The following MAML3 variants were observed in gnomAD, a reference collection of about 807,000 sequenced individuals.
MAML3 encodes mastermind like transcriptional coactivator 3.
MAML3 carries 27 observed loss-of-function variants against 101.9 expected under a neutral mutation model. That is an observed-to-expected ratio of 0.27 (90% confidence interval 0.20 to 0.37). The LOEUF is 0.37. Ranked by LOEUF, MAML3 falls within the 10% of genes least tolerant of loss-of-function variation. MAML3 has a pLI of 1.00. For missense variants in MAML3, 1,316 were observed against 1,444.9 expected, an observed-to-expected ratio of 0.91 and a Z score of 1.45; for synonymous variants, 501 against 555.9, an observed-to-expected ratio of 0.90 and a Z score of 1.39.
intron 2 of MAML3, among the ~76,000 whole-genome samples, chr4:139,746,007 C>T (rs1315845114): frequency 2.0e-5 from 3 of 152,176 alleles, no homozygotes; most frequent in African/African-American, 7.2e-5. Context: ...CAACTTTTTT[C>T]AAGAAGTCCT....
chr4:139,718,220 G>T lies in MAML3; in HGVS notation c.*1103C>A, dbSNP rs905082636. Reference sequence around the variant, plus strand: ...TCCCAAACATCAGAGCAGCCCTCTTGGTTCCAGGCAGATATTCATTCAACG... The same window carrying T: ...TCCCAAACATCAGAGCAGCCCTCTTTGTTCCAGGCAGATATTCATTCAACG... On this transcript the variant is annotated 3_prime_UTR_variant, in exon 5 of 5. Transcript: ENST00000509479. 1.3e-5 allele frequency: 2 copies of T among 152,220 alleles called. No individual in the cohort carries two copies. Among genetic ancestry groups the T allele is most frequent in the Non-Finnish European group, 2.9e-5 (2 of 68,060 alleles). 9.4% of individuals were successfully genotyped at this position (152,220 alleles called of 1,614,324 possible). A position where few individuals can be genotyped will look rare whatever the true frequency, so the allele number is the denominator to read the frequency against.
intron 2 of MAML3, among the ~76,000 whole-genome samples, chr4:139,834,016 T>G (rs535629825): frequency 1.3e-5 from 2 of 152,106 alleles, no homozygotes; most frequent in South Asian, 4.1e-4. Context: ...AGGGGGATGC[T>G]CCCCCTGCTT....
At chr4:139,752,951 A>AT (rs903468737) in intron 2 of MAML3, among the ~76,000 whole-genome samples, 4 of 152,128 alleles carry the variant, frequency 2.6e-5, no homozygotes, top group African/African-American at 7.2e-5. Context: ...GGCTGGGGTG[A>AT]TTTTTTTGAA....
At chr4:139,730,911 G>A in intron 2 of MAML3, 1 of 565,516 alleles carries the variant, frequency 1.8e-6, no homozygotes, top group Admixed American at 3.0e-5. Context: ...GCCAAGTCCA[G>A]TCTGTTTCGG....
At chr4:139,968,320 A>AAAAAG (rs1734175895) in intron 1 of MAML3, among the ~76,000 whole-genome samples, 1 of 151,672 alleles carries the variant, frequency 6.6e-6, no homozygotes, top group African/African-American at 2.4e-5. Flanking sequence ...AAAAAAAAAA[A>AAAAAG]AAAAAAGAAA....
At chr4:139,797,669 A>G (rs1033025910) in intron 2 of MAML3, among the ~76,000 whole-genome samples, 3 of 152,130 alleles carry the variant, frequency 2.0e-5, no homozygotes, top group South Asian at 2.1e-4. Flanking sequence ...AGGTAAATTG[A>G]TATGATGTTT....
chr4:139,833,174 C>CA (rs1032238309), intron 2 of MAML3, among the ~76,000 whole-genome samples: 63 of 152,280 alleles, frequency 4.1e-4, no homozygotes, highest in African/African-American at 1.5e-3. Flanking sequence ...AGAGGAAAAA[C>CA]AAAAACAGTC....
At chr4:139,893,996 C>G (rs921385508) in intron 1 of MAML3, among the ~76,000 whole-genome samples, 1 of 152,168 alleles carries the variant, frequency 6.6e-6, no homozygotes, top group Middle Eastern at 3.4e-3. Context: ...AGTGGTCTTT[C>G]CACTCGGGTA....
At chr4:140,125,777 G>T (rs1283993318) in intron 1 of MAML3, among the ~76,000 whole-genome samples, 2 of 151,910 alleles carry the variant, frequency 1.3e-5, no homozygotes, top group African/African-American at 4.8e-5. Flanking sequence ...AGGTGTTTTT[G>T]TTGTTGTTGT....
chr4:139,868,270 C>T (rs1041576319), intron 2 of MAML3, among the ~76,000 whole-genome samples: 1 of 152,164 alleles, frequency 6.6e-6, no homozygotes, highest in African/African-American at 2.4e-5. Context: ...GGCATACTAC[C>T]TACAAATTTA....
intron 2 of MAML3, among the ~76,000 whole-genome samples, chr4:139,828,732 T>TAA (rs529918429): frequency 1.2e-4 from 17 of 144,486 alleles, no homozygotes; most frequent in African/African-American, 3.9e-4. Flanking sequence ...TTTTTTTTTT[T>TAA]AAAAACATAG....
At chr4:140,006,042 G>A (rs907822702) in intron 1 of MAML3, among the ~76,000 whole-genome samples, 10 of 152,158 alleles carry the variant, frequency 6.6e-5, no homozygotes, top group Admixed American at 5.9e-4. Context: ...CTTGAATTTC[G>A]GGGGTTCTAT....
At chr4:140,021,384 A>G (rs897986016) in intron 1 of MAML3, among the ~76,000 whole-genome samples, 7 of 152,232 alleles carry the variant, frequency 4.6e-5, no homozygotes, top group African/African-American at 1.7e-4. Context: ...CATAACCTTT[A>G]TGTAAGAACA....
intron 2 of MAML3, among the ~76,000 whole-genome samples, chr4:139,762,917 A>T (rs1729784530): frequency 6.6e-6 from 1 of 152,024 alleles, no homozygotes; most frequent in Non-Finnish European, 1.5e-5. Context: ...GTGCGTGTGC[A>T]TATTTCGTGT....
At chr4:139,995,626 C>T (rs1734794107) in intron 1 of MAML3, among the ~76,000 whole-genome samples, 1 of 152,128 alleles carries the variant, frequency 6.6e-6, no homozygotes, top group South Asian at 2.1e-4. Flanking sequence ...TGTGAGGTTG[C>T]TCACAATACT....
intron 1 of MAML3, among the ~76,000 whole-genome samples, chr4:140,112,078 A>C (rs879840516): frequency 1.3e-5 from 2 of 151,848 alleles, no homozygotes; most frequent in Non-Finnish European, 2.9e-5. Context: ...TTATTAGTTG[A>C]CTCTCTAAAC....
At chr4:139,751,421 C>T (rs1238908763) in intron 2 of MAML3, among the ~76,000 whole-genome samples, 3 of 152,162 alleles carry the variant, frequency 2.0e-5, no homozygotes, top group African/African-American at 7.2e-5. Context: ...ACGTTATACA[C>T]ATAGTGTGAA....
intron 1 of MAML3, among the ~76,000 whole-genome samples, chr4:140,089,536 T>C (rs183072404): frequency 2.0e-4 from 30 of 152,366 alleles, no homozygotes; most frequent in Non-Finnish European, 2.9e-5. Context: ...AGATTTCATC[T>C]AGCTCCAGAA....
chr4:140,152,439 C>T (rs1729190125), intron 1 of MAML3, among the ~76,000 whole-genome samples: 2 of 146,430 alleles, frequency 1.4e-5, no homozygotes, highest in African/African-American at 5.1e-5. Flanking sequence ...CGTAGGGGGA[C>T]GGGTCTGGGG....
Sources: allele counts gnomAD v4.1 joint callset (sites outside exome capture counted in the v4.1 genomes callset), GRCh38; gene constraint gnomAD v4.1.1; transcripts MANE v1.5; gene names NCBI Gene and HGNC (gene_info 2026-07-23, HGNC 2026-07-21).